The following FANCC variants were observed in gnomAD, a reference collection of about 807,000 sequenced individuals.
FANCC encodes the protein FA complementation group C.
In FANCC, 55 loss-of-function variants were observed where a neutral mutation model predicts 71.3. The ratio of observed to expected loss-of-function variants is 0.77; its 90% CI spans 0.62 to 0.97. The LOEUF is 0.97. Among genes scored for constraint, FANCC ranks in the 50% least tolerant of loss-of-function variants. FANCC has a pLI of 0.00. For missense variants in FANCC, 678 were observed against 670.9 expected, an observed-to-expected ratio of 1.01 and a Z score of -0.12; for synonymous variants, 275 against 244.9, an observed-to-expected ratio of 1.12 and a Z score of -1.15.
At chr9:95,162,927 T>G (rs1023600984) in intron 6 of FANCC, among the ~76,000 whole-genome samples, 2 of 152,216 alleles carry the variant, frequency 1.3e-5, no homozygotes, top group Admixed American at 1.3e-4. Flanking sequence ...ATCTGTTGAT[T>G]GCTTCCTTTG....
intron 1 of FANCC, among the ~76,000 whole-genome samples, chr9:95,305,084 T>C (rs1834997050): frequency 1.3e-5 from 2 of 152,202 alleles, no homozygotes; most frequent in South Asian, 4.1e-4. Flanking sequence ...TTAATTGCTC[T>C]ATTATCCAAT....
At chr9:95,199,063 AT>A (rs1564745470) in intron 4 of FANCC, among the ~76,000 whole-genome samples, 1 of 151,954 alleles carries the variant, frequency 6.6e-6, no homozygotes, top group Non-Finnish European at 1.5e-5. Context: ...CAATATATGA[AT>A]TTTTTTTGAA....
intron 1 of FANCC, among the ~76,000 whole-genome samples, chr9:95,308,315 G>C (rs2136402274): frequency 6.6e-6 from 1 of 151,780 alleles, no homozygotes; most frequent in East Asian, 1.9e-4. Context: ...TGCAATCACA[G>C]ATCACCGCTT....
intron 4 of FANCC, among the ~76,000 whole-genome samples, chr9:95,228,004 AAGT>A (rs1488512209): frequency 6.6e-6 from 1 of 151,926 alleles, no homozygotes; most frequent in Non-Finnish European, 1.5e-5. Context: ...TCCTCCAACA[AAGT>A]GTCTCTCCCT....
chr9:95,240,799 A>G, intron 3 of FANCC, 56 bp from the exon 4 acceptor site: 1 of 944,858 alleles, frequency 1.1e-6, no homozygotes, highest in Non-Finnish European at 1.7e-6. Flanking sequence ...ATTAATATAA[A>G]AACACTGTAA....
intron 1 of FANCC, among the ~76,000 whole-genome samples, chr9:95,264,100 T>C (rs1832240402): frequency 6.6e-6 from 1 of 152,226 alleles, no homozygotes; most frequent in Admixed American, 6.5e-5. Context: ...CACAGCATAG[T>C]TGAGGCAATG....
chr9:95,279,140 A>AC (rs1381430681), intron 1 of FANCC, among the ~76,000 whole-genome samples: 1 of 151,722 alleles, frequency 6.6e-6, no homozygotes, highest in Non-Finnish European at 1.5e-5. Flanking sequence ...ACATGGTGAA[A>AC]CCCCCCGTCT....
intron 1 of FANCC, among the ~76,000 whole-genome samples, chr9:95,284,951 G>A (rs1289648337): frequency 6.8e-6 from 1 of 147,678 alleles, no homozygotes; most frequent in East Asian, 2.0e-4. Context: ...CACACACACA[G>A]AAAAAATAAA....
At chr9:95,104,347 G>T (rs1181087546) in intron 14 of FANCC, among the ~76,000 whole-genome samples, 1 of 152,240 alleles carries the variant, frequency 6.6e-6, no homozygotes, top group Non-Finnish European at 1.5e-5. Context: ...GTCAGTGCAT[G>T]AGCGCCACAC....
chr9:95,128,418 C>A (rs541558353), intron 8 of FANCC, among the ~76,000 whole-genome samples: 146 of 152,318 alleles, frequency 9.6e-4, no homozygotes, highest in African/African-American at 3.2e-3. Flanking sequence ...TAAGATGAAA[C>A]TTGAAAATGG....
chr9:95,111,528 G>C lies in FANCC; in HGVS notation c.1264C>G (p.Leu422Val), dbSNP rs756716463. ...TAGTAGAAGGCCAAGAGCCACAGCA[G>C]GGCCGTGGGGGGTTCGGCTGCCGAC... ...LMSAAEPPTALLWLLAFYYGP... is the reference protein window; with the variant it reads ...LMSAAEPPTAVLWLLAFYYGP... The change falls in exon 13 of 15, where the codon CTG (leucine) becomes GTG (valine). Residue 422 changes from leucine (L) to valine (V), a missense_variant. Transcript: ENST00000289081. 6.2e-7 allele frequency: 1 copy of C among 1,614,150 alleles called. No individual in the cohort carries two copies.
At chr9:95,307,761 G>T (rs1835151893) in intron 1 of FANCC, among the ~76,000 whole-genome samples, 1 of 152,204 alleles carries the variant, frequency 6.6e-6, no homozygotes, top group African/African-American at 2.4e-5. Context: ...AAAGAAGACA[G>T]CCAGGATTTC....
At chr9:95,147,310 G>C (rs1829697752) in intron 7 of FANCC, among the ~76,000 whole-genome samples, 1 of 152,284 alleles carries the variant, frequency 6.6e-6, no homozygotes, top group Non-Finnish European at 1.5e-5. Flanking sequence ...CTGAGGTCGG[G>C]ATTTCGAGAC....
intron 1 of FANCC, among the ~76,000 whole-genome samples, chr9:95,310,574 G>C (rs1835330427): frequency 6.6e-6 from 1 of 152,188 alleles, no homozygotes. Context: ...GTAAGAGACA[G>C]ACCTCAGATG....
At chr9:95,181,812 C>G (rs1473785263) in intron 4 of FANCC, among the ~76,000 whole-genome samples, 1 of 152,196 alleles carries the variant, frequency 6.6e-6, no homozygotes, top group Non-Finnish European at 1.5e-5. Context: ...AAACTCTGCT[C>G]ATGTGTGAAA....
At chr9:95,288,314 T>C (rs1833807346) in intron 1 of FANCC, among the ~76,000 whole-genome samples, 1 of 152,158 alleles carries the variant, frequency 6.6e-6, no homozygotes, top group African/African-American at 2.4e-5. Flanking sequence ...TAGGAGAAAA[T>C]TAAACTTGGT....
chr9:95,179,900 T>G (rs537564989), intron 4 of FANCC, among the ~76,000 whole-genome samples: 1 of 152,342 alleles, frequency 6.6e-6, no homozygotes, highest in East Asian at 1.9e-4. Flanking sequence ...AATAAAACAC[T>G]TGTCTAAAAA....
chr9:95,171,794 T>C (rs905736294), intron 5 of FANCC, among the ~76,000 whole-genome samples: 10 of 152,214 alleles, frequency 6.6e-5, no homozygotes, highest in Non-Finnish European at 1.5e-5. Context: ...AAGTGAGATG[T>C]GTCCCTAGAA....
chr9:95,138,305 T>C (rs953793085), intron 7 of FANCC, among the ~76,000 whole-genome samples: 1 of 152,200 alleles, frequency 6.6e-6, no homozygotes, highest in Non-Finnish European at 1.5e-5. Context: ...GCAGCTTTAC[T>C]GGGTGGGCCA....
Sources: allele counts gnomAD v4.1 joint callset (sites outside exome capture counted in the v4.1 genomes callset), GRCh38; gene constraint gnomAD v4.1.1; transcripts MANE v1.5; gene names NCBI Gene and HGNC (gene_info 2026-07-23, HGNC 2026-07-21).